The following CEP76 variants were observed in gnomAD, a reference collection of about 807,000 sequenced individuals.
The protein encoded by CEP76 is centrosomal protein of 76 kDa.
A neutral mutation model predicts 83.3 loss-of-function variants in CEP76; 55 were observed. That is an observed-to-expected ratio of 0.66 (90% CI 0.53 to 0.83). The LOEUF (loss-of-function observed/expected upper bound fraction) is 0.83, where lower values mean the gene tolerates loss of function less well. Among genes scored for constraint, CEP76 ranks in the 40% least tolerant of loss-of-function variants. The probability of loss-of-function intolerance (pLI) is 0.00; values close to 1 mark genes in which losing one functional copy is unlikely to be tolerated. For missense variants in CEP76, 694 were observed against 799.5 expected, an observed-to-expected ratio of 0.87 and a Z score of 1.59; for synonymous variants, 270 against 274.5, an observed-to-expected ratio of 0.98 and a Z score of 0.16.
chr18:12,700,954 T>A lies in CEP76; in HGVS notation c.219+4A>T. On this transcript the variant is annotated splice_donor_region_variant and intron_variant, in intron 2 of 11. Coordinates refer to ENST00000262127, the MANE Select transcript of CEP76 (RefSeq NM_024899.4). Reference sequence around the variant, plus strand: ...CTCATTTATTTCCCTAAAAGATTACTCACAGTAACAAAATTAAGTTCTTTC... The same window carrying A: ...CTCATTTATTTCCCTAAAAGATTACACACAGTAACAAAATTAAGTTCTTTC... 1 of 1,610,058 alleles carries A rather than the reference T, an allele frequency of 6.2e-7. No homozygotes were observed. The highest frequency in any genetic ancestry group is 1.3e-5 in the African/African-American group (1 of 74,942).
chr18:12,670,782 G>T (rs2038922754), downstream of CEP76: 1 of 151,986 alleles, frequency 6.6e-6, no homozygotes, highest in Non-Finnish European at 1.5e-5. Context: ...CAAGCAGCTG[G>T]GACCACAGGT....
At chr18:12,700,553 T>C (rs2040116078) in intron 2 of CEP76, among the ~76,000 whole-genome samples, 1 of 152,168 alleles carries the variant, frequency 6.6e-6, no homozygotes, top group Non-Finnish European at 1.5e-5. Context: ...TTAAAGAAAT[T>C]TGTAATTTGT....
chr18:12,678,184 T>A lies in CEP76; in HGVS notation c.1548A>T (p.Ala516=), dbSNP rs1037424736. 5.0e-6 allele frequency: 8 copies of A among 1,614,202 alleles called. No individual in the cohort carries two copies. The highest frequency in any genetic ancestry group is 6.8e-6 in the Non-Finnish European group (8 of 1,180,016). The change falls in exon 10 of 12, where the codon GCA becomes GCT. Residue 516 remains alanine, a synonymous_variant. Transcript: ENST00000262127. ...TTGTTACTGACGCGTCAATTGTGGA[T>A]GCACACAGAGGTGGAAAGGGAGGAA... ...TSLPPFPPLC[A]STIDASVTSN...
intron 7 of CEP76, among the ~76,000 whole-genome samples, chr18:12,690,943 C>CT (rs930943384): frequency 2.4e-4 from 36 of 151,076 alleles, no homozygotes; most frequent in Middle Eastern, 3.4e-3. Context: ...CCCAGAGCCC[C>CT]CCCCCGTTCT....
chr18:12,702,701 AGGCC>A lies in CEP76; in HGVS notation c.-157_-154del. 2.4e-6 allele frequency: 2 copies of A among 827,904 alleles called. No individual in the cohort carries two copies. The highest frequency in any genetic ancestry group is 3.8e-5 in the South Asian group (2 of 53,128). 51.3% of individuals were successfully genotyped at this position (827,904 alleles called of 1,614,324 possible). On this transcript the variant is annotated 5_prime_UTR_variant, in exon 1 of 12. Coordinates refer to ENST00000262127, the MANE Select transcript of CEP76 (RefSeq NM_024899.4). Reference sequence around the variant, plus strand: ...CTCCCGGGGGACGCAACGCCGCGTCAGGCCGGGGGCTGACCTGGAAATGAGGCCC... The same window carrying A: ...CTCCCGGGGGACGCAACGCCGCGTCAGGGGGCTGACCTGGAAATGAGGCCC...
intron 1 of CEP76, 32 bp downstream of exon 1, chr18:12,702,454 C>A: frequency 6.5e-7 from 1 of 1,542,088 alleles, no homozygotes. Flanking sequence ...TGGGTCGGCC[C>A]GGCGGTCTCT....
intron 8 of CEP76, chr18:12,684,495 T>G (rs2039468649): frequency 6.6e-6 from 1 of 151,852 alleles, no homozygotes; most frequent in African/African-American, 2.4e-5. Flanking sequence ...GTTTTTTTTT[T>G]TTGAGATGGA....
At chr18:12,672,288 G>A (rs8086265), downstream of CEP76, among the ~76,000 whole-genome samples, 38,773 of 151,398 alleles carry the variant, frequency 0.26, 5,337 homozygotes, top group Non-Finnish European at 0.32. Context: ...CCTAATTTTC[G>A]TATTTTTAGT....
intron 3 of CEP76, among the ~76,000 whole-genome samples, chr18:12,699,604 TTATTA>T (rs1334558672): frequency 3.3e-5 from 5 of 152,174 alleles, no homozygotes; most frequent in African/African-American, 1.2e-4. Flanking sequence ...ATAAAACATA[TTATTA>T]AAACACAAGA....
chr18:12,692,926 G>A (rs1043400024), intron 6 of CEP76, among the ~76,000 whole-genome samples: 18 of 152,220 alleles, frequency 1.2e-4, no homozygotes, highest in Admixed American at 5.2e-4. Flanking sequence ...GGGCTTAAGC[G>A]ATCCTCCCAC....
chr18:12,680,079 A>T (rs921966321), intron 9 of CEP76, among the ~76,000 whole-genome samples: 1 of 152,034 alleles, frequency 6.6e-6, no homozygotes, highest in Non-Finnish European at 1.5e-5. Context: ...AAAACTGAAA[A>T]AAAAATATGC....
intron 7 of CEP76, among the ~76,000 whole-genome samples, chr18:12,688,164 G>C (rs2039613350): frequency 6.7e-6 from 1 of 150,212 alleles, no homozygotes; most frequent in Admixed American, 6.7e-5. Context: ...CTGGGAGGCG[G>C]AGCTTGCAGT....
chr18:12,702,723 T>C lies in CEP76; in HGVS notation c.-175A>G, dbSNP rs977581674. The C allele has an allele frequency of 8.0e-5, 54 of 677,200 alleles. No individual in the cohort carries two copies. Among genetic ancestry groups the C allele is most frequent in the Non-Finnish European group, 1.1e-4 (48 of 422,272 alleles). The allele number at this position is 677,200 out of a possible 1,614,324, so 41.9% of individuals were successfully genotyped here. On this transcript the variant is annotated 5_prime_UTR_variant, in exon 1 of 12. Coordinates refer to ENST00000262127, the MANE Select transcript of CEP76 (RefSeq NM_024899.4). Reference sequence around the variant, plus strand: ...GTCAGGCCGGGGGCTGACCTGGAAATGAGGCCCCGGCGGCGGCGGCGCCAA... The same window carrying C: ...GTCAGGCCGGGGGCTGACCTGGAAACGAGGCCCCGGCGGCGGCGGCGCCAA...
intron 12 of CEP76, among the ~76,000 whole-genome samples, chr18:12,666,712 G>A (rs924445210): frequency 6.6e-6 from 1 of 151,420 alleles, no homozygotes; most frequent in African/African-American, 2.4e-5. Flanking sequence ...GCCTCCTAAA[G>A]GGGTGGAATT....
chr18:12,680,260 A>G (rs2039297143), intron 9 of CEP76, among the ~76,000 whole-genome samples: 1 of 152,150 alleles, frequency 6.6e-6, no homozygotes, highest in Non-Finnish European at 1.5e-5. Context: ...ACGTACCTTC[A>G]AGTACCATCA....
At chr18:12,701,743 C>T (rs953641448) in intron 1 of CEP76, among the ~76,000 whole-genome samples, 2 of 152,144 alleles carry the variant, frequency 1.3e-5, no homozygotes, top group African/African-American at 4.8e-5. Flanking sequence ...ATTACAAACC[C>T]TTTAGTAACT....
In CEP76 at chr18:12,693,059, A is replaced by T. The variant is rs187889279; in HGVS notation, c.805-1572T>A. 5.9e-5 allele frequency among the ~76,000 whole-genome samples: 9 copies of T among 152,268 alleles called. No homozygotes were observed. The East Asian group carries it at 1.7e-3, about 29-fold the overall frequency. ...GGCTGGTCTTGAACTCCTGGCCTGA[A>T]GTGATCCTCTTACCTTGGCCTCCCA... On this transcript the variant is annotated intron_variant, in intron 6 of 11. Coordinates refer to ENST00000262127, the MANE Select transcript of CEP76 (RefSeq NM_024899.4).
downstream of CEP76, among the ~76,000 whole-genome samples, chr18:12,671,642 CT>C (rs869130220): frequency 0.13 from 7,300 of 55,576 alleles, 74 homozygotes; most frequent in African/African-American, 0.17. Context: ...TTCACACTTT[CT>C]TTTTTTTTTT....
intron 12 of CEP76, among the ~76,000 whole-genome samples, chr18:12,666,045 A>G (rs1406970726): frequency 6.6e-6 from 1 of 151,478 alleles, no homozygotes; most frequent in African/African-American, 2.4e-5. Flanking sequence ...GGCTGGGCAC[A>G]GTGGCTCATA....
Sources: gnomAD v4.1 joint callset for allele counts (sites outside exome capture counted in the v4.1 genomes callset) on GRCh38, gnomAD v4.1.1 for gene constraint, MANE v1.5 for transcripts, NCBI Gene and HGNC (gene_info 2026-07-23, HGNC 2026-07-21) for gene names.